The following UTP15 variants were observed in gnomAD, a reference collection of about 807,000 sequenced individuals.
The protein encoded by UTP15 is U3 small nucleolar RNA-associated protein 15 homolog.
In UTP15, 5 loss-of-function variants were observed where a neutral mutation model predicts 59.1. The observed-to-expected ratio is 0.08, with a 90% CI of 0.04 to 0.18. UTP15 has a LOEUF of 0.18. Among genes scored for constraint, UTP15 ranks in the 10% least tolerant of loss-of-function variants. The probability of loss-of-function intolerance (pLI) is 1.00; values close to 1 mark genes in which losing one functional copy is unlikely to be tolerated. For missense variants in UTP15, 494 were observed against 616.7 expected, an observed-to-expected ratio of 0.80 and a Z score of 2.11; for synonymous variants, 211 against 212.2, an observed-to-expected ratio of 0.99 and a Z score of 0.05.
chr5:73,578,537 A>G (rs963667386), intron 9 of UTP15: 1 of 491,566 alleles, frequency 2.0e-6, no homozygotes, highest in South Asian at 2.9e-5. Context: ...ATAAGAGAGT[A>G]AGAACATGTT....
chr5:73,578,181 A>C, intron 9 of UTP15, 176 bp downstream of exon 9: 1 of 590,786 alleles, frequency 1.7e-6, no homozygotes, highest in East Asian at 3.3e-5. Flanking sequence ...AATGGGGAAC[A>C]AGGACTACTT....
At position 73,565,781 on chromosome 5, in the gene UTP15, C is replaced by T. The variant is rs750697979; in HGVS notation, c.-215C>T. On this transcript the variant is annotated 5_prime_UTR_variant, in exon 1 of 13. Transcript: ENST00000296792. ...GCGACGTTCGGTTCGCTGTGTGTGT[C>T]GCCGGCTCCTTGAGGGTCCATGTGA... is the stretch of plus-strand genomic sequence containing the variant. 64 of 456,264 alleles carry T rather than the reference C, an allele frequency of 1.4e-4. No individual in the cohort carries two copies. The East Asian group carries it at 4.2e-3, about 30-fold the overall frequency. The allele number at this position is 456,264 out of a possible 1,614,324, so 28.3% of individuals were successfully genotyped here.
chr5:73,579,513 C>T (rs558636567), intron 12 of UTP15, 138 bp downstream of exon 12: 1 of 718,652 alleles, frequency 1.4e-6, no homozygotes, highest in East Asian at 2.8e-5. Context: ...GAGAAAACAA[C>T]AAGTCAGTGC....
intron 2 of UTP15, 74 bp downstream of exon 2, chr5:73,567,508 A>C: frequency 9.3e-7 from 1 of 1,071,352 alleles, no homozygotes; most frequent in Admixed American, 2.3e-5. Context: ...TATACTCTGG[A>C]TGCTCTAACA....
chr5:73,576,020 G>A (rs750559414), intron 7 of UTP15, among the ~76,000 whole-genome samples: 8 of 151,354 alleles, frequency 5.3e-5, no homozygotes, highest in Admixed American at 1.3e-4. Flanking sequence ...CACCGCACCC[G>A]GCTAATACCT....
intron 7 of UTP15, among the ~76,000 whole-genome samples, chr5:73,574,352 ACTGT>A (rs1229472517): frequency 6.6e-6 from 1 of 152,106 alleles, no homozygotes; most frequent in Non-Finnish European, 1.5e-5. Flanking sequence ...TATAAAAATT[ACTGT>A]CTCAGTTTTT....
intron 12 of UTP15, 66 bp from the exon 13 acceptor site, chr5:73,579,811 T>G: frequency 9.3e-7 from 1 of 1,077,608 alleles, no homozygotes; most frequent in Non-Finnish European, 1.3e-6. Context: ...TTTTAAAAAC[T>G]TTTGCTTTTC....
intron 7 of UTP15, among the ~76,000 whole-genome samples, chr5:73,576,456 A>C (rs1341629531): frequency 6.7e-6 from 1 of 148,764 alleles, no homozygotes; most frequent in Non-Finnish European, 1.5e-5. Context: ...CGGATGTTAT[A>C]GTTAGGGCTG....
At chr5:73,575,447 A>C (rs1357862343) in intron 7 of UTP15, among the ~76,000 whole-genome samples, 1 of 152,224 alleles carries the variant, frequency 6.6e-6, no homozygotes, top group African/African-American at 2.4e-5. Flanking sequence ...AACATCCTAC[A>C]ATGCACAGAA....
At chr5:73,577,779 G>T in intron 8 of UTP15, 77 bp from the exon 9 acceptor site, 1 of 1,238,554 alleles carries the variant, frequency 8.1e-7, no homozygotes, top group Non-Finnish European at 1.1e-6. Flanking sequence ...CAAACACATG[G>T]TAAATGTGTT....
chr5:73,571,822 T>G (rs1317800120), intron 6 of UTP15, among the ~76,000 whole-genome samples: 1 of 152,202 alleles, frequency 6.6e-6, no homozygotes, highest in Non-Finnish European at 1.5e-5. Context: ...TGTGTCTACT[T>G]TTCTTGCTGT....
rs1748266860 is a variant in UTP15, at chr5:73,580,441, G to T, written c.*347G>T. 6.1e-6 allele frequency: 1 copy of T among 164,684 alleles called. No individual in the cohort carries two copies. Among genetic ancestry groups the T allele is most frequent in the Admixed American group, 6.3e-5 (1 of 15,778 alleles). 10.2% of individuals were successfully genotyped at this position (164,684 alleles called of 1,614,324 possible). On this transcript the variant is annotated 3_prime_UTR_variant, in exon 13 of 13. Coordinates refer to ENST00000296792, the MANE Select transcript of UTP15 (RefSeq NM_032175.4). The stretch of plus-strand genomic sequence containing the variant: ...TCAAATATGAATCCTCTCTGGAGAG[G>T]GTCCAACTGGGAATCCTGCTAAAGG...
Position 73,580,182 on chromosome 5 carries a change from T to TA in UTP15, c.*95dup. 3 of 1,174,550 alleles carry TA rather than the reference T, an allele frequency of 2.6e-6. No homozygotes were observed. Among genetic ancestry groups the TA allele is most frequent in the Non-Finnish European group, 3.6e-6 (3 of 844,406 alleles). The allele number at this position is 1,174,550 out of a possible 1,614,324, so 72.8% of individuals were successfully genotyped here. A position where few individuals can be genotyped will look rare whatever the true frequency, so the allele number is the denominator to read the frequency against. On this transcript the variant is annotated 3_prime_UTR_variant, in exon 13 of 13. Coordinates refer to ENST00000296792, the MANE Select transcript of UTP15 (RefSeq NM_032175.4). ...TGGCGAGAGACTCTCTTTGATACAT[T>TA]AAAAAAACTGTTTGCAGAAGCAGTT...
chr5:73,577,798 A>C, intron 8 of UTP15, 58 bp from the exon 9 acceptor site: 1 of 1,443,484 alleles, frequency 6.9e-7, no homozygotes, highest in Non-Finnish European at 9.4e-7. Flanking sequence ...TTTTGAAGTA[A>C]AAGTACTATA....
chr5:73,566,298 T>C (rs890109497), intron 1 of UTP15: 1 of 196,190 alleles, frequency 5.1e-6, no homozygotes, highest in Non-Finnish European at 1.1e-5. Flanking sequence ...AGGCTGAGTC[T>C]AGGTTAATAT....
Position 73,582,921 on chromosome 5 carries a change from T to C in UTP15, c.*2827T>C, listed in dbSNP as rs1404070130. 1.3e-5 allele frequency: 2 copies of C among 152,228 alleles called. No individual in the cohort carries two copies. Among genetic ancestry groups the C allele is most frequent in the African/African-American group, 4.8e-5 (2 of 41,464 alleles). The allele number at this position is 152,228 out of a possible 1,614,324, so 9.4% of individuals were successfully genotyped here. A position where few individuals can be genotyped will look rare whatever the true frequency, so the allele number is the denominator to read the frequency against. ...GAAAGTCACCGTATGTTTAATTTAT[T>C]ATGTTTATGAGATTTAAGCACTTGG... is the stretch of plus-strand genomic sequence containing the variant. On this transcript the variant is annotated 3_prime_UTR_variant, in exon 13 of 13. Transcript: ENST00000296792.
At chr5:73,570,926 A>G (rs1747913895) in intron 6 of UTP15, among the ~76,000 whole-genome samples, 1 of 152,238 alleles carries the variant, frequency 6.6e-6, no homozygotes, top group South Asian at 2.1e-4. Flanking sequence ...CTAATGCCCT[A>G]GATGATGCTA....
Position 73,577,904 on chromosome 5 carries a change from G to A in UTP15, c.943G>A (p.Val315Ile). The stretch of plus-strand genomic sequence containing the variant: ...AGGAATGACCAATGGAATACTGAGT[G>A]TTAAACATCGGAAATCTGAAGCAAA... ...VVGMTNGILS[V>I]KHRKSEAKKE... Residue 315 changes from valine (V) to isoleucine (I), a missense_variant, in exon 9 of 13, where the codon GTT (valine) becomes ATT (isoleucine). Coordinates refer to ENST00000296792, the MANE Select transcript of UTP15 (RefSeq NM_032175.4). The A allele has an allele frequency of 6.3e-7, 1 of 1,593,168 alleles. No homozygotes were observed. Among genetic ancestry groups the A allele is most frequent in the Non-Finnish European group, 8.5e-7 (1 of 1,173,336 alleles).
chr5:73,571,541 A>G (rs113633873), intron 6 of UTP15, among the ~76,000 whole-genome samples: 1,815 of 151,726 alleles, frequency 0.012, 56 homozygotes, highest in African/African-American at 0.042. Flanking sequence ...GACAACATAT[A>G]TATTGCTGTG....
Sources: gnomAD v4.1 joint callset for allele counts (sites outside exome capture counted in the v4.1 genomes callset) on GRCh38, gnomAD v4.1.1 for gene constraint, MANE v1.5 for transcripts, NCBI Gene and HGNC (gene_info 2026-07-23, HGNC 2026-07-21) for gene names.